The following MLPH variants were observed in gnomAD, a reference collection of about 807,000 sequenced individuals.
MLPH encodes the protein exophilin-3.
MLPH carries 51 observed loss-of-function variants against 72.1 expected under a neutral mutation model. The observed-to-expected ratio is 0.71, with a 90% CI of 0.56 to 0.89. The LOEUF is 0.89. MLPH is among the 40% of genes least tolerant of loss of function. The probability of loss-of-function intolerance (pLI) is 0.00; values close to 1 mark genes in which losing one functional copy is unlikely to be tolerated. For missense variants in MLPH, 743 were observed against 759.9 expected, an observed-to-expected ratio of 0.98 and a Z score of 0.26; for synonymous variants, 301 against 310.1, an observed-to-expected ratio of 0.97 and a Z score of 0.31.
chr2:237,489,548 C>T (rs1361082198), intron 1 of MLPH, among the ~76,000 whole-genome samples: 2 of 152,166 alleles, frequency 1.3e-5, no homozygotes, highest in Non-Finnish European at 2.9e-5. Flanking sequence ...CGGCAGCATT[C>T]GGGAAACAGC....
intron 9 of MLPH, among the ~76,000 whole-genome samples, chr2:237,538,897 G>A (rs572742217): frequency 2.0e-5 from 3 of 152,356 alleles, no homozygotes; most frequent in Middle Eastern, 3.4e-3. Context: ...CAGTCAGGGC[G>A]CCTCACTGAG....
At position 237,542,606 on chromosome 2, in the gene MLPH, G is replaced by T. The variant is rs368855517; in HGVS notation, c.1486G>T (p.Ala496Ser). Residue 496 changes from alanine (A) to serine (S), a missense_variant, in exon 12 of 16, where the codon GCA (alanine) becomes TCA (serine). By Grantham distance (99) the Ala-to-Ser change is moderately conservative (BLOSUM62 1). Transcript: ENST00000264605. Reference protein sequence around the residue: ...IESRIAALRAAGLTVKPSGKP... With the variant: ...IESRIAALRASGLTVKPSGKP... ...ATCCAGGATTGCAGCCCTGAGGGCC[G>T]CAGGGCTCACGGTGAAGCCCTCGGG... 2.5e-6 allele frequency: 4 copies of T among 1,602,884 alleles called. No individual in the cohort carries two copies. The highest frequency in any genetic ancestry group is 2.2e-5 in the South Asian group (2 of 88,980).
chr2:237,514,921 G>A (rs1226197248), intron 4 of MLPH, among the ~76,000 whole-genome samples: 1 of 152,232 alleles, frequency 6.6e-6, no homozygotes, highest in Non-Finnish European at 1.5e-5. Context: ...CAGCAAAGCA[G>A]TGAATGGCAG....
chr2:237,507,103 C>A (rs1470391317), intron 2 of MLPH: 1 of 129,612 alleles, frequency 7.7e-6, no homozygotes, highest in African/African-American at 3.1e-5. Context: ...TCTCTCTCTG[C>A]CACCCTTGGA....
intron 10 of MLPH, 84 bp downstream of exon 10, chr2:237,540,617 C>T: frequency 2.0e-6 from 3 of 1,525,942 alleles, no homozygotes; most frequent in Non-Finnish European, 2.7e-6. Flanking sequence ...GCCACCCTCC[C>T]CAGGGAGGCA....
At chr2:237,511,447 G>A (rs1242081276) in intron 4 of MLPH, 2 of 342,430 alleles carry the variant, frequency 5.8e-6, no homozygotes, top group South Asian at 2.5e-5. Flanking sequence ...GCAAACCTCT[G>A]CATCCCACTG....
intron 8 of MLPH, among the ~76,000 whole-genome samples, chr2:237,532,677 C>T (rs576264619): frequency 6.6e-6 from 1 of 152,380 alleles, no homozygotes; most frequent in South Asian, 2.1e-4. Context: ...TCTGTCCGTA[C>T]ATATCTAAGT....
chr2:237,527,777 G>A, intron 8 of MLPH: 1 of 508,498 alleles, frequency 2.0e-6, no homozygotes, highest in Non-Finnish European at 3.5e-6. Flanking sequence ...TCCACTTCTT[G>A]GTATACACCC....
At chr2:237,527,755 G>C (rs961694310) in intron 8 of MLPH, 1 of 566,272 alleles carries the variant, frequency 1.8e-6, no homozygotes, top group Non-Finnish European at 3.1e-6. Context: ...AGTTTCCATA[G>C]GATCCAACAA....
intron 8 of MLPH, among the ~76,000 whole-genome samples, chr2:237,531,577 T>G (rs907714152): frequency 1.3e-5 from 2 of 152,266 alleles, no homozygotes; most frequent in African/African-American, 4.8e-5. Context: ...AATTATCCTT[T>G]ATACCTGCTT....
chr2:237,506,492 C>T lies in MLPH; in HGVS notation c.111-4082C>T, dbSNP rs536609204. On this transcript the variant is annotated intron_variant, in intron 2 of 15. Coordinates refer to ENST00000264605, the MANE Select transcript of MLPH (RefSeq NM_024101.7). The stretch of plus-strand genomic sequence containing the variant: ...AGTTCCTCGAGTGAGCAATTCCTGT[C>T]CCTTTTAAGGGCTTACAACTCTAAG... Among the ~76,000 whole-genome samples, 8 of 152,274 alleles carry T rather than the reference C, an allele frequency of 5.3e-5. No homozygotes were observed. In the South Asian group the frequency reaches 1.5e-3, roughly 28 times the overall value.
intron 4 of MLPH, 154 bp downstream of exon 4, chr2:237,511,255 TG>T: frequency 1.7e-6 from 1 of 600,338 alleles, no homozygotes; most frequent in Non-Finnish European, 2.9e-6. Context: ...TGTGAATTCC[TG>T]CTTCTGGCTG....
chr2:237,536,238 G>A (rs1343768), intron 9 of MLPH, among the ~76,000 whole-genome samples: 30,173 of 151,892 alleles, frequency 0.2, 3,624 homozygotes, highest in African/African-American at 0.33. Context: ...CTCTGACCCC[G>A]GCCGGAGCGG....
chr2:237,546,617 T>A lies in MLPH; in HGVS notation c.1551T>A (p.Pro517=). 6.2e-7 allele frequency: 1 copy of A among 1,614,118 alleles called. No homozygotes were observed. The highest frequency in any genetic ancestry group is 8.5e-7 in the Non-Finnish European group (1 of 1,179,984). ...RRKSNLPIFL[P]RVAGKLGKRP... ...TCTTTGCCCTCCAGATATTTCTCCC[T>A]CGAGTGGCTGGGAAACTTGGCAAGA... is the stretch of plus-strand genomic sequence containing the variant. Residue 517 remains proline, a synonymous_variant, in exon 13 of 16, where the codon CCT becomes CCA. Transcript: ENST00000264605.
Position 237,541,069 on chromosome 2 carries a change from C to T in MLPH, c.1446+112C>T. On this transcript the variant is annotated intron_variant, in intron 11 of 15. Coordinates refer to ENST00000264605, the MANE Select transcript of MLPH (RefSeq NM_024101.7). This position sits in a 1 kb window ranked among gnomAD's most constrained non-coding sequence, Gnocchi z 5.1. ...ATCCGCCAGCTCACACTGAGCCCTC[C>T]CCATTGGCCCAGCATGCACGGCTCT... is the stretch of plus-strand genomic sequence containing the variant. 1.4e-6 allele frequency: 2 copies of T among 1,381,146 alleles called. No individual in the cohort carries two copies. The highest frequency in any genetic ancestry group is 1.0e-6 in the Non-Finnish European group (1 of 996,108). The allele number at this position is 1,381,146 out of a possible 1,614,324, so 85.6% of individuals were successfully genotyped here.
At chr2:237,490,262 G>A (rs890534465) in intron 1 of MLPH, among the ~76,000 whole-genome samples, 2 of 152,090 alleles carry the variant, frequency 1.3e-5, no homozygotes, top group East Asian at 1.9e-4. Context: ...CATGGAGGTC[G>A]AGGCAGCAGT....
At chr2:237,545,557 C>T (rs1480686521) in intron 12 of MLPH, 7 of 1,288,338 alleles carry the variant, frequency 5.4e-6, no homozygotes, top group African/African-American at 1.5e-5. Flanking sequence ...CATGTTGCCT[C>T]ATGTGGAAAT....
chr2:237,548,283 G>A (rs559334197), intron 13 of MLPH, among the ~76,000 whole-genome samples: 68 of 152,174 alleles, frequency 4.5e-4, no homozygotes, highest in Non-Finnish European at 5.4e-4. Flanking sequence ...TCTGGCAGCC[G>A]CCCACAAACC....
At chr2:237,493,202 C>T (rs981826247) in intron 1 of MLPH, among the ~76,000 whole-genome samples, 3 of 152,100 alleles carry the variant, frequency 2.0e-5, no homozygotes, top group African/African-American at 7.2e-5. Flanking sequence ...TTTTAAAATT[C>T]GAATGTGGGA....
Sources: gnomAD v4.1 joint callset for allele counts (sites outside exome capture counted in the v4.1 genomes callset) on GRCh38, gnomAD v4.1.1 for gene constraint, Gnocchi (gnomAD v3.1) non-coding constraint, MANE v1.5 for transcripts, NCBI Gene and HGNC (gene_info 2026-07-23, HGNC 2026-07-21) for gene names.